The following CNTNAP3B variants were observed in gnomAD, a reference collection of about 807,000 sequenced individuals.
The protein encoded by CNTNAP3B is contactin-associated protein-like 3B.
A neutral mutation model predicts 108.9 loss-of-function variants in CNTNAP3B; 25 were observed. That is an observed-to-expected ratio of 0.23 (90% CI 0.17 to 0.32). CNTNAP3B has a LOEUF of 0.32. CNTNAP3B is among the 10% of genes least tolerant of loss of function. The pLI, the probability that CNTNAP3B is intolerant of heterozygous loss-of-function variation, is 1.00. For synonymous variants in CNTNAP3B, 103 were observed against 473.4 expected (o/e 0.22, Z 10.16); for missense variants, 252 against 1,210.4 (o/e 0.21, Z 11.75).
At chr9:41,942,937 A>T (rs1824404768) in intron 13 of CNTNAP3B, among the ~76,000 whole-genome samples, 5 of 152,366 alleles carry the variant, frequency 3.3e-5, no homozygotes, top group African/African-American at 7.2e-5. Context: ...TGCCAATACA[A>T]CATGTCTGGC....
chr9:42,085,956 G>T (rs1266252180), intron 2 of CNTNAP3B, among the ~76,000 whole-genome samples: 1 of 144,026 alleles, frequency 6.9e-6, no homozygotes, highest in Non-Finnish European at 1.5e-5. Context: ...CCATTCAGTG[G>T]CTGATGGACA....
At chr9:42,054,074 G>A (rs1431202400) in intron 3 of CNTNAP3B, among the ~76,000 whole-genome samples, 1 of 150,564 alleles carries the variant, frequency 6.6e-6, no homozygotes, top group African/African-American at 2.5e-5. Context: ...AAAATATTAA[G>A]CTTTACATCA....
chr9:41,961,371 C>T (rs1470839370), intron 11 of CNTNAP3B, among the ~76,000 whole-genome samples: 16 of 152,290 alleles, frequency 1.1e-4, no homozygotes, highest in South Asian at 4.1e-4. Flanking sequence ...TGAAGAGATA[C>T]GAGAGGAAAA....
chr9:42,015,152 G>T lies in CNTNAP3B; in HGVS notation c.391-1627C>A, dbSNP rs1217865791. ...TTAAGCAATTCTCCTGCCTCAGCCT[G>T]CCCAGTAGCTGGCATTCCAAGAGCA... On this transcript the variant is annotated intron_variant, in intron 3 of 23. Transcript: ENST00000377561. Among the ~76,000 whole-genome samples, 35 of 4,442 alleles carry T rather than the reference G, an allele frequency of 7.9e-3. 1 individual carries two copies. Among genetic ancestry groups the T allele is most frequent in the African/African-American group, 0.023 (34 of 1,502 alleles). 2.9% of individuals were successfully genotyped at this position (4,442 alleles called of 152,430 possible).
intron 11 of CNTNAP3B, among the ~76,000 whole-genome samples, chr9:41,962,764 G>A (rs1241442862): frequency 6.6e-6 from 1 of 151,922 alleles, no homozygotes; most frequent in East Asian, 1.9e-4. Context: ...GACCATCCCG[G>A]CTAACATGGC....
intron 3 of CNTNAP3B, among the ~76,000 whole-genome samples, chr9:42,023,304 C>T (rs1481969421): frequency 2.0e-5 from 3 of 151,818 alleles, no homozygotes; most frequent in Admixed American, 1.3e-4. Context: ...ACTCCTGCTC[C>T]GAGTCTCTGC....
At chr9:42,001,640 C>T (rs573738013) in intron 4 of CNTNAP3B, among the ~76,000 whole-genome samples, 1,329 of 116,206 alleles carry the variant, frequency 0.011, 126 homozygotes, top group Non-Finnish European at 0.017. Context: ...TAAAATCCAA[C>T]GTTCCTCAAA....
chr9:41,972,926 C>G (rs1192903988), intron 9 of CNTNAP3B, among the ~76,000 whole-genome samples: 3 of 108,734 alleles, frequency 2.8e-5, no homozygotes, highest in Non-Finnish European at 3.7e-5. Flanking sequence ...TGACACATAA[C>G]TTAGGTTATC....
At position 42,088,942 on chromosome 9, in the gene CNTNAP3B, C is replaced by T. The variant is rs186884839; in HGVS notation, c.197-11880G>A. Among the ~76,000 whole-genome samples, 14 of 110,678 alleles carry T rather than the reference C, an allele frequency of 1.3e-4. 2 individuals carry two copies. Among genetic ancestry groups the T allele is most frequent in the South Asian group, 9.0e-4 (3 of 3,318 alleles). 72.6% of individuals were successfully genotyped at this position (110,678 alleles called of 152,430 possible). A position where few individuals can be genotyped will look rare whatever the true frequency, so the allele number is the denominator to read the frequency against. Reference sequence around the variant, plus strand: ...GATTTTATGAAAAATGAGGACCAGGCGTGGTGGCTCACACCTGTAATCCCA... The same window carrying T: ...GATTTTATGAAAAATGAGGACCAGGTGTGGTGGCTCACACCTGTAATCCCA... On this transcript the variant is annotated intron_variant, in intron 2 of 23. Coordinates refer to ENST00000377561, the MANE Select transcript of CNTNAP3B (RefSeq NM_001201380.3).
At position 42,088,498 on chromosome 9, in the gene CNTNAP3B, G is replaced by T. The variant is rs1046756773; in HGVS notation, c.197-11436C>A. 5.8e-5 allele frequency among the ~76,000 whole-genome samples: 8 copies of T among 138,596 alleles called. 1 individual carries two copies. The highest frequency in any genetic ancestry group is 3.6e-4 in the Admixed American group (5 of 13,934). 90.9% of individuals were successfully genotyped at this position (138,596 alleles called of 152,430 possible). On this transcript the variant is annotated intron_variant, in intron 2 of 23. Transcript: ENST00000377561. Reference sequence around the variant, plus strand: ...TTAGATGAATTTTAAAGTTACATATGCTGCTGAAGCATACTCTTTGCGTAA... The same window carrying T: ...TTAGATGAATTTTAAAGTTACATATTCTGCTGAAGCATACTCTTTGCGTAA...
chr9:42,112,635 T>C lies in CNTNAP3B; in HGVS notation c.86-7896A>G, dbSNP rs1337621148. Among the ~76,000 whole-genome samples, 5 of 136,902 alleles carry C rather than the reference T, an allele frequency of 3.7e-5. 1 individual carries two copies. The highest frequency in any genetic ancestry group is 7.8e-5 in the Non-Finnish European group (5 of 64,394). The allele number at this position is 136,902 out of a possible 152,430, so 89.8% of individuals were successfully genotyped here. On this transcript the variant is annotated intron_variant, in intron 1 of 23. Transcript: ENST00000377561. ...ATTAGAATTTACAGGGGGTAGGAGA[T>C]AGGGGTTACACGTTGTCTCTCCTTC...
rs1423370256 is a variant in CNTNAP3B, at chr9:42,111,337, C to A, written c.86-6598G>T. Among the ~76,000 whole-genome samples, 5 of 138,944 alleles carry A rather than the reference C, an allele frequency of 3.6e-5. 2 individuals are homozygous for A. The highest frequency in any genetic ancestry group is 5.7e-5 in the African/African-American group (2 of 34,996). 91.2% of individuals were successfully genotyped at this position (138,944 alleles called of 152,430 possible). ...TGCCCCTATGTTCTGGGGATATAAC[C>A]ATAAACAACAGAAAAAGTCTCTGCT... On this transcript the variant is annotated intron_variant, in intron 1 of 23. Coordinates refer to ENST00000377561, the MANE Select transcript of CNTNAP3B (RefSeq NM_001201380.3).
intron 1 of CNTNAP3B, among the ~76,000 whole-genome samples, chr9:42,115,237 G>T (rs1291589320): frequency 7.3e-6 from 1 of 136,892 alleles, no homozygotes; most frequent in Non-Finnish European, 1.6e-5. Context: ...AGCTCATAAG[G>T]CTAAGAAAAT....
chr9:41,921,508 G>A (rs772316378), intron 17 of CNTNAP3B, among the ~76,000 whole-genome samples: 59 of 150,986 alleles, frequency 3.9e-4, no homozygotes, highest in Non-Finnish European at 2.7e-4. Context: ...GATAATTTGT[G>A]ATTTAGTCCA....
chr9:42,016,861 A>C, intron 3 of CNTNAP3B, among the ~76,000 whole-genome samples: 1 of 150,418 alleles, frequency 6.6e-6, no homozygotes, highest in Non-Finnish European at 1.5e-5. Flanking sequence ...AATATATATA[A>C]TGTATTTTTA....
Position 42,129,384 on chromosome 9 carries a change from C to G in CNTNAP3B, c.-290G>C, listed in dbSNP as rs1230053759. 2 of 320,212 alleles carry G rather than the reference C, an allele frequency of 6.2e-6. 1 individual carries two copies. The highest frequency in any genetic ancestry group is 1.2e-4 in the Admixed American group (2 of 16,278). 19.8% of individuals were successfully genotyped at this position (320,212 alleles called of 1,614,324 possible). A position where few individuals can be genotyped will look rare whatever the true frequency, so the allele number is the denominator to read the frequency against. ...ACGGAGGCGGCAGGTTCAGGCGCGT[C>G]CCGGACACTAGGCGCGGGAGGCGGC... On this transcript the variant is annotated 5_prime_UTR_variant, in exon 1 of 24. Transcript: ENST00000377561.
chr9:42,038,464 A>T lies in CNTNAP3B; in HGVS notation c.391-24939T>A. On this transcript the variant is annotated intron_variant, in intron 3 of 23. Coordinates refer to ENST00000377561, the MANE Select transcript of CNTNAP3B (RefSeq NM_001201380.3). ...GCCAAGCAATGGAAAATAAAAAAAA[A>T]GCAGGGGTTGCAATCCTAGTCTCAG... is the stretch of plus-strand genomic sequence containing the variant. 2.0e-5 allele frequency among the ~76,000 whole-genome samples: 2 copies of T among 97,918 alleles called. 1 individual carries two copies. The highest frequency in any genetic ancestry group is 1.1e-3 in the East Asian group (2 of 1,804). The allele number at this position is 97,918 out of a possible 152,430, so 64.2% of individuals were successfully genotyped here.
rs1401606421 is a variant in CNTNAP3B, at chr9:41,944,278, A to C, written c.2081-5878T>G. On this transcript the variant is annotated intron_variant, in intron 13 of 23. Coordinates refer to ENST00000377561, the MANE Select transcript of CNTNAP3B (RefSeq NM_001201380.3). ...GGAGCATTAGAGAAGAAAAAAATTA[A>C]AATAAAATCTAGTGTCTTCTTCTTA... is the stretch of plus-strand genomic sequence containing the variant. Among the ~76,000 whole-genome samples the C allele has an allele frequency of 1.9e-4, 29 of 148,800 alleles. No individual in the cohort carries two copies. In the East Asian group the frequency reaches 2.9e-3, roughly 15 times the overall value.
At chr9:41,944,803 A>G (rs1824475062) in intron 13 of CNTNAP3B, among the ~76,000 whole-genome samples, 1 of 152,298 alleles carries the variant, frequency 6.6e-6, no homozygotes. Context: ...TCTGCACAGC[A>G]AAAGAAACTA....
Sources: allele counts gnomAD v4.1 joint callset (sites outside exome capture counted in the v4.1 genomes callset), GRCh38; gene constraint gnomAD v4.1.1; transcripts MANE v1.5; gene names NCBI Gene and HGNC (gene_info 2026-07-23, HGNC 2026-07-21).